Variants in MAPK10 observed in about 807,000 individuals in gnomAD.
MAPK10 encodes the protein mitogen-activated protein kinase 10.
In MAPK10, 25 loss-of-function variants were observed where a neutral mutation model predicts 59.3. The ratio of observed to expected loss-of-function variants is 0.42; its 90% CI spans 0.31 to 0.59. The LOEUF is 0.59. Ranked by LOEUF, MAPK10 falls within the 20% of genes least tolerant of loss-of-function variation. MAPK10 has a pLI of 0.15. For synonymous variants in MAPK10, 190 were observed against 200.5 expected (o/e 0.95, Z 0.44); for missense variants, 351 against 568.9 (o/e 0.62, Z 3.90).
chr4:86,275,577 G>A (rs2094551583), intron 2 of MAPK10, among the ~76,000 whole-genome samples: 1 of 151,870 alleles, frequency 6.6e-6, no homozygotes, highest in Non-Finnish European at 1.5e-5. Flanking sequence ...AGATCCTAAA[G>A]TCAAATATGA....
At chr4:86,317,674 T>C (rs547249576) in intron 2 of MAPK10, among the ~76,000 whole-genome samples, 5 of 152,320 alleles carry the variant, frequency 3.3e-5, no homozygotes, top group South Asian at 4.1e-4. Flanking sequence ...ACTCAAGAAA[T>C]AGTCTTGACT....
At chr4:86,166,132 A>G (rs1337182359) in intron 3 of MAPK10, among the ~76,000 whole-genome samples, 1 of 152,234 alleles carries the variant, frequency 6.6e-6, no homozygotes, top group Non-Finnish European at 1.5e-5. Flanking sequence ...TAGTATGAGT[A>G]ACAGGCAATG....
intron 11 of MAPK10, among the ~76,000 whole-genome samples, chr4:86,058,581 C>G (rs1648638602): frequency 6.7e-6 from 1 of 149,566 alleles, no homozygotes; most frequent in Non-Finnish European, 1.5e-5. Context: ...ACCTGGGCTC[C>G]AGTAAATCGC....
intron 1 of MAPK10, among the ~76,000 whole-genome samples, chr4:86,393,440 A>T (rs1742502374): frequency 6.6e-6 from 1 of 152,164 alleles, no homozygotes; most frequent in Admixed American, 6.5e-5. Context: ...TTTTTTAATA[A>T]ATCTAGAAAA....
intron 1 of MAPK10, among the ~76,000 whole-genome samples, chr4:86,397,880 A>AAC (rs1202122522): frequency 6.6e-6 from 1 of 151,308 alleles, no homozygotes; most frequent in African/African-American, 2.4e-5. Context: ...AAAAAAAAAA[A>AAC]AAAAAAAAAA....
intron 1 of MAPK10, among the ~76,000 whole-genome samples, chr4:86,554,581 A>G (rs1760107108): frequency 6.6e-6 from 1 of 152,126 alleles, no homozygotes. Flanking sequence ...AAAAAATCTG[A>G]CCATTCTTCC....
intron 1 of MAPK10, among the ~76,000 whole-genome samples, chr4:86,368,327 A>G (rs1738234146): frequency 6.6e-6 from 1 of 152,192 alleles, no homozygotes; most frequent in South Asian, 2.1e-4. Flanking sequence ...CACTCATGTG[A>G]TACATTTGTT....
chr4:86,165,861 G>C (rs575024547), intron 3 of MAPK10, among the ~76,000 whole-genome samples: 6 of 152,118 alleles, frequency 3.9e-5, no homozygotes, highest in African/African-American at 1.4e-4. Flanking sequence ...ACATTAGTTA[G>C]TTGGCCTAGA....
chr4:86,186,472 T>C (rs2078262615), intron 3 of MAPK10, among the ~76,000 whole-genome samples: 1 of 152,170 alleles, frequency 6.6e-6, no homozygotes, highest in South Asian at 2.1e-4. Context: ...ACAGAAAGCA[T>C]ATGCAAAAAC....
At chr4:86,088,954 A>G (rs1010475796) in intron 9 of MAPK10, among the ~76,000 whole-genome samples, 1 of 152,216 alleles carries the variant, frequency 6.6e-6, no homozygotes, top group African/African-American at 2.4e-5. Context: ...TCAGTTTGGT[A>G]GAACTGAATT....
intron 2 of MAPK10, among the ~76,000 whole-genome samples, chr4:86,264,933 CCCAGGTGGAGTGCAGTGGAG>C (rs1563768602): frequency 7.0e-6 from 1 of 142,468 alleles, no homozygotes. Flanking sequence ...CACTCTGTCA[CCCAGGTGGAGTGCAGTGGAG>C]CCATCTCAGC....
intron 1 of MAPK10, among the ~76,000 whole-genome samples, chr4:86,496,867 T>C (rs1053490332): frequency 7.2e-5 from 11 of 152,208 alleles, no homozygotes; most frequent in African/African-American, 2.7e-4. Flanking sequence ...TAGTCAGCTT[T>C]ATAGATAATC....
chr4:86,534,682 C>CTGAGT (rs1421703738), intron 1 of MAPK10, among the ~76,000 whole-genome samples: 1 of 152,020 alleles, frequency 6.6e-6, no homozygotes, highest in African/African-American at 2.4e-5. Context: ...GAGGCAGGCC[C>CTGAGT]ATCACCTGAG....
rs575876237 is a variant in MAPK10, at chr4:86,530,147, A to C, written c.-263+63763T>G. On this transcript the variant is annotated intron_variant, in intron 1 of 4. Coordinates refer to the MAPK10 transcript ENST00000502302. ...GATCAGAATCTTCAGGGCTGTGTCC[A>C]GGCAATCTACAATAGATTCAAATAC... 2.0e-4 allele frequency among the ~76,000 whole-genome samples: 30 copies of C among 150,542 alleles called. No homozygotes were observed. In the South Asian group the frequency reaches 6.3e-3, roughly 32 times the overall value.
intron 1 of MAPK10, among the ~76,000 whole-genome samples, chr4:86,376,051 A>C (rs1489859459): frequency 6.6e-6 from 1 of 152,144 alleles, no homozygotes; most frequent in Non-Finnish European, 1.5e-5. Flanking sequence ...ATTCACACTC[A>C]GTTTGTAGGA....
chr4:86,021,546 T>C (rs1006483103), intron 13 of MAPK10, among the ~76,000 whole-genome samples: 2 of 152,234 alleles, frequency 1.3e-5, no homozygotes, highest in African/African-American at 4.8e-5. Context: ...TGGCTTCACC[T>C]AGTGGATCCC....
At chr4:86,196,970 G>C (rs920688370) in intron 2 of MAPK10, among the ~76,000 whole-genome samples, 2 of 152,166 alleles carry the variant, frequency 1.3e-5, no homozygotes, top group African/African-American at 4.8e-5. Context: ...TAGCCTTGTA[G>C]TATAGTTTGA....
intron 1 of MAPK10, among the ~76,000 whole-genome samples, chr4:86,385,341 T>G (rs1564776589): frequency 6.6e-6 from 1 of 152,192 alleles, no homozygotes. Flanking sequence ...ATTTACCATT[T>G]AAAAGTTTAA....
chr4:86,541,183 T>A (rs958823875), intron 1 of MAPK10, among the ~76,000 whole-genome samples: 1 of 151,852 alleles, frequency 6.6e-6, no homozygotes, highest in Non-Finnish European at 1.5e-5. Flanking sequence ...AGCTGGCTTA[T>A]GGGGAAAGTG....
Sources: gnomAD v4.1 joint callset for allele counts (sites outside exome capture counted in the v4.1 genomes callset) on GRCh38, gnomAD v4.1.1 for gene constraint, MANE v1.5 for transcripts, NCBI Gene and HGNC (gene_info 2026-07-23, HGNC 2026-07-21) for gene names.